CNTNAP3B: variants seen among roughly 807,000 people sequenced by gnomAD.
CNTNAP3B encodes contactin-associated protein-like 3B.
A neutral mutation model predicts 108.9 loss-of-function variants in CNTNAP3B; 25 were observed. The ratio of observed to expected loss-of-function variants is 0.23; its 90% CI spans 0.17 to 0.32. The LOEUF is 0.32. Among genes scored for constraint, CNTNAP3B ranks in the 10% least tolerant of loss-of-function variants. The pLI is 1.00. For missense variants in CNTNAP3B, 252 were observed against 1,210.4 expected (o/e 0.21, Z 11.75); for synonymous variants, 103 against 473.4 (o/e 0.22, Z 10.16).
At chr9:41,927,531 G>A (rs1302703958) in intron 15 of CNTNAP3B, among the ~76,000 whole-genome samples, 1 of 150,296 alleles carries the variant, frequency 6.7e-6, no homozygotes, top group Non-Finnish European at 1.5e-5. Flanking sequence ...GGAAGGGAAG[G>A]AGAGAAAGAG....
intron 1 of CNTNAP3B, among the ~76,000 whole-genome samples, chr9:42,121,379 A>C (rs1284406086): frequency 1.4e-5 from 2 of 139,264 alleles, no homozygotes; most frequent in Non-Finnish European, 3.1e-5. Context: ...TTTCTAAGAA[A>C]ACTCTGGCTG....
At chr9:41,930,693 A>G (rs1254218553) in intron 14 of CNTNAP3B, among the ~76,000 whole-genome samples, 2 of 152,422 alleles carry the variant, frequency 1.3e-5, no homozygotes, top group African/African-American at 4.8e-5. Flanking sequence ...TACCATGAGT[A>G]TTAATTATGT....
rs1322619486 is a variant in CNTNAP3B at position 42,068,149 on chromosome 9, A to G, written c.390+8720T>C. On this transcript the variant is annotated intron_variant, in intron 3 of 23. Transcript: ENST00000377561. ...AATGAAAGTTAATACCTTTTAAGAT[A>G]TCTGTACAATTCTAGGGCAGCTGTT... Among the ~76,000 whole-genome samples the G allele has an allele frequency of 1.3e-3, 131 of 98,216 alleles. 9 individuals are homozygous for G. Among genetic ancestry groups the G allele is most frequent in the Non-Finnish European group, 1.9e-3 (95 of 50,248 alleles). 64.4% of individuals were successfully genotyped at this position (98,216 alleles called of 152,430 possible). A position where few individuals can be genotyped will look rare whatever the true frequency, so the allele number is the denominator to read the frequency against.
chr9:42,081,415 T>G lies in CNTNAP3B; in HGVS notation c.197-4353A>C, dbSNP rs562860384. 3.4e-4 allele frequency among the ~76,000 whole-genome samples: 48 copies of G among 142,688 alleles called. 3 individuals carry two copies. The highest frequency in any genetic ancestry group is 1.2e-3 in the African/African-American group (45 of 36,628). 93.6% of individuals were successfully genotyped at this position (142,688 alleles called of 152,430 possible). ...AATTATTAAAGTTTTGCCACTTATT[T>G]TGTAATGGAAAACAAGGGAAAAGAG... On this transcript the variant is annotated intron_variant, in intron 2 of 23. Transcript: ENST00000377561.
At chr9:41,926,840 C>T (rs1296606048) in intron 15 of CNTNAP3B, 1 of 152,458 alleles carries the variant, frequency 6.6e-6, no homozygotes, top group African/African-American at 2.4e-5. Flanking sequence ...CAAATACAGC[C>T]ACATTTGGAG....
intron 11 of CNTNAP3B, among the ~76,000 whole-genome samples, chr9:41,962,872 G>C (rs62557280): frequency 1.3e-5 from 2 of 150,932 alleles, no homozygotes; most frequent in African/African-American, 4.9e-5. Context: ...GGAGAATGGC[G>C]TGAACCCAGG....
intron 2 of CNTNAP3B, among the ~76,000 whole-genome samples, chr9:42,089,539 C>T (rs1285889176): frequency 1.0e-4 from 15 of 145,638 alleles, no homozygotes; most frequent in South Asian, 8.7e-4. Flanking sequence ...ACTATGGTGC[C>T]AAGTTTTCAT....
rs1259145727 is a variant in CNTNAP3B, at chr9:42,077,109, T to C, written c.197-47A>G. The C allele has an allele frequency of 2.7e-6, 4 of 1,501,550 alleles. 1 individual carries two copies. Among genetic ancestry groups the C allele is most frequent in the Non-Finnish European group, 3.6e-6 (4 of 1,113,816 alleles). 93.0% of individuals were successfully genotyped at this position (1,501,550 alleles called of 1,614,324 possible). ...ATAAAAATGGTAGAGGAGGAAGTTA[T>C]TTAACATAGCTGTTACTAGATTAGA... On this transcript the variant is annotated intron_variant, in intron 2 of 23. Coordinates refer to ENST00000377561, the MANE Select transcript of CNTNAP3B (RefSeq NM_001201380.3).
intron 1 of CNTNAP3B, among the ~76,000 whole-genome samples, chr9:42,117,000 T>C (rs1187791930): frequency 7.2e-6 from 1 of 139,402 alleles, no homozygotes; most frequent in African/African-American, 2.9e-5. Context: ...ATGCACCCAG[T>C]ACAGGAGCAC....
rs556631174 is a variant in CNTNAP3B at position 41,929,932 on chromosome 9, C to T, written c.2238-488G>A. Among the ~76,000 whole-genome samples the T allele has an allele frequency of 1.3e-4, 20 of 152,234 alleles. No individual in the cohort carries two copies. The South Asian group carries it at 3.7e-3, about 28-fold the overall frequency. The stretch of plus-strand genomic sequence containing the variant: ...CCTGACCCGTTTGCCAATTCCTGAT[C>T]TAAATGATTACAGAGAAGGGGAAAA... On this transcript the variant is annotated intron_variant, in intron 14 of 23. Coordinates refer to ENST00000377561, the MANE Select transcript of CNTNAP3B (RefSeq NM_001201380.3).
intron 9 of CNTNAP3B, among the ~76,000 whole-genome samples, chr9:41,981,975 G>A (rs1334253478): frequency 9.9e-5 from 8 of 80,570 alleles, no homozygotes; most frequent in Admixed American, 4.2e-4. Flanking sequence ...AGGCTGAGGC[G>A]GGGGAACCTC....
At chr9:41,926,649 G>A (rs1229676324) in intron 15 of CNTNAP3B, 2 of 152,364 alleles carry the variant, frequency 1.3e-5, no homozygotes, top group African/African-American at 2.4e-5. Context: ...AAGAGACAAG[G>A]TCTTACCATC....
intron 3 of CNTNAP3B, among the ~76,000 whole-genome samples, chr9:42,051,855 A>G (rs1826969949): frequency 1.3e-5 from 2 of 152,116 alleles, no homozygotes; most frequent in Admixed American, 6.5e-5. Context: ...CTAAACCTGA[A>G]TTTATTTTTC....
chr9:42,112,292 C>T lies in CNTNAP3B; in HGVS notation c.86-7553G>A, dbSNP rs1158565371. ...CACATGTGTGAAGGCCCCAGTAAGG[C>T]TTACTCTTCTGAAATACTGAGGTCT... On this transcript the variant is annotated intron_variant, in intron 1 of 23. Transcript: ENST00000377561. Among the ~76,000 whole-genome samples the T allele has an allele frequency of 1.4e-5, 2 of 139,566 alleles. 1 individual carries two copies. Among genetic ancestry groups the T allele is most frequent in the African/African-American group, 5.7e-5 (2 of 35,186 alleles). The allele number at this position is 139,566 out of a possible 152,430, so 91.6% of individuals were successfully genotyped here.
chr9:41,928,480 C>G (rs1224897449), intron 15 of CNTNAP3B, among the ~76,000 whole-genome samples: 1 of 151,952 alleles, frequency 6.6e-6, no homozygotes, highest in Admixed American at 6.6e-5. Flanking sequence ...GTTGTGTTCT[C>G]TTTGAACTAC....
At position 42,129,209 on chromosome 9, in the gene CNTNAP3B, T is replaced by C. The variant is rs3100816; in HGVS notation, c.-115A>G. ...CCTGCGCGGCTCCGACGCTGCTCTG[T>C]CTCCCCTGTCCAGTCTCTAGCTCTC... On this transcript the variant is annotated 5_prime_UTR_variant, in exon 1 of 24. Coordinates refer to ENST00000377561, the MANE Select transcript of CNTNAP3B (RefSeq NM_001201380.3). 9 of 1,411,674 alleles carry C rather than the reference T, an allele frequency of 6.4e-6. 1 individual carries two copies. The highest frequency in any genetic ancestry group is 5.4e-5 in the East Asian group (2 of 37,342). 87.4% of individuals were successfully genotyped at this position (1,411,674 alleles called of 1,614,324 possible).
At chr9:41,954,808 C>G (rs1210231222) in intron 12 of CNTNAP3B, among the ~76,000 whole-genome samples, 2 of 152,258 alleles carry the variant, frequency 1.3e-5, no homozygotes, top group African/African-American at 2.4e-5. Flanking sequence ...CTCAGCCTCA[C>G]AAGTAGCTGG....
In CNTNAP3B at chr9:41,965,056, T is replaced by C. The variant is rs552814040; in HGVS notation, c.1650-412A>G. Among the ~76,000 whole-genome samples the C allele has an allele frequency of 1.1e-4, 17 of 152,384 alleles. No individual in the cohort carries two copies. In the East Asian group the frequency reaches 3.1e-3, roughly 28 times the overall value. On this transcript the variant is annotated intron_variant, in intron 10 of 23. Coordinates refer to ENST00000377561, the MANE Select transcript of CNTNAP3B (RefSeq NM_001201380.3). ...GGAGAAGAAAGAAACAGGAACAGCT[T>C]CAGTCACATAGTGACAGAGGTTCAG...
intron 2 of CNTNAP3B, among the ~76,000 whole-genome samples, chr9:42,086,419 T>A: frequency 7.1e-6 from 1 of 140,048 alleles, no homozygotes. Context: ...ATTTTTTACA[T>A]TTTTGCATTT....
Sources: gnomAD v4.1 joint callset for allele counts (sites outside exome capture counted in the v4.1 genomes callset) on GRCh38, gnomAD v4.1.1 for gene constraint, MANE v1.5 for transcripts, NCBI Gene and HGNC (gene_info 2026-07-23, HGNC 2026-07-21) for gene names.